Variants in PCED1B observed in about 807,000 individuals in gnomAD.
PCED1B encodes the protein PC-esterase domain containing 1B.
For synonymous variants in PCED1B, 251 were observed against 246.1 expected (o/e 1.02, Z -0.19); for missense variants, 573 against 573.9 (o/e 1.00, Z 0.02).
chr12:47,142,878 A>AGAGG (rs1173590856), intron 2 of PCED1B, among the ~76,000 whole-genome samples: 3 of 151,648 alleles, frequency 2.0e-5, no homozygotes, highest in Admixed American at 1.3e-4. Flanking sequence ...AGAAGAAGAG[A>AGAGG]GAAAGAGGCA....
chr12:47,092,707 G>T (rs917590947), intron 1 of PCED1B, among the ~76,000 whole-genome samples: 3 of 151,982 alleles, frequency 2.0e-5, no homozygotes, highest in Non-Finnish European at 4.4e-5. Context: ...AATTGATTAC[G>T]TGTTTTCATC....
intron 2 of PCED1B, among the ~76,000 whole-genome samples, chr12:47,199,566 A>G (rs886831030): frequency 6.6e-6 from 1 of 152,214 alleles, no homozygotes; most frequent in Non-Finnish European, 1.5e-5. Flanking sequence ...AAACCTATAT[A>G]AATACAGTCA....
At chr12:47,156,505 C>G (rs1941198105) in intron 2 of PCED1B, among the ~76,000 whole-genome samples, 2 of 152,092 alleles carry the variant, frequency 1.3e-5, no homozygotes, top group Non-Finnish European at 2.9e-5. Context: ...CACCCTTGCT[C>G]CATCCACACT....
intron 2 of PCED1B, among the ~76,000 whole-genome samples, chr12:47,133,880 T>G (rs765672067): frequency 1.6e-4 from 25 of 152,164 alleles, no homozygotes; most frequent in Non-Finnish European, 3.5e-4. Flanking sequence ...ATGGGATTAG[T>G]GCCCTTATAA....
chr12:47,210,540 T>C (rs1316285583), intron 2 of PCED1B: 2 of 152,102 alleles, frequency 1.3e-5, no homozygotes, highest in Non-Finnish European at 2.9e-5. Flanking sequence ...CTGAAGCAGG[T>C]AGATCACCTG....
At chr12:47,096,600 A>G (rs941884222) in intron 1 of PCED1B, among the ~76,000 whole-genome samples, 1 of 152,196 alleles carries the variant, frequency 6.6e-6, no homozygotes. Flanking sequence ...AATACCTTTC[A>G]TAAACATAAT....
In PCED1B at chr12:47,193,944, C is replaced by T. The variant is rs17097709; in HGVS notation, c.-525-22278C>T. Reference sequence around the variant, plus strand: ...TGGGGCCCTGCCTTGCTCTTGCCCTCACTAAGCTGCATTCTGGTTTCCTGC... The same window carrying T: ...TGGGGCCCTGCCTTGCTCTTGCCCTTACTAAGCTGCATTCTGGTTTCCTGC... On this transcript the variant is annotated intron_variant, in intron 2 of 3. Transcript: ENST00000546455. Among the ~76,000 whole-genome samples the T allele has an allele frequency of 4.6e-3, 704 of 152,318 alleles. 6 individuals carry two copies. Among genetic ancestry groups the T allele is most frequent in the African/African-American group, 0.016 (650 of 41,574 alleles).
At chr12:47,192,957 C>T (rs759714356) in intron 2 of PCED1B, among the ~76,000 whole-genome samples, 1 of 152,206 alleles carries the variant, frequency 6.6e-6, no homozygotes, top group Non-Finnish European at 1.5e-5. Flanking sequence ...CTCACGTCTA[C>T]ATGAGACCTT....
intron 1 of PCED1B, among the ~76,000 whole-genome samples, chr12:47,082,396 A>G (rs1225813062): frequency 6.6e-6 from 1 of 152,140 alleles, no homozygotes; most frequent in Non-Finnish European, 1.5e-5. Context: ...AAAAAAAAGG[A>G]GAAGAAAGAG....
intron 2 of PCED1B, among the ~76,000 whole-genome samples, chr12:47,183,291 C>A (rs968844950): frequency 1.3e-5 from 2 of 152,186 alleles, no homozygotes; most frequent in Non-Finnish European, 1.5e-5. Flanking sequence ...TCTGAACTGT[C>A]TATCTCTTGC....
intron 1 of PCED1B, among the ~76,000 whole-genome samples, chr12:47,090,899 A>T (rs1466203914): frequency 6.6e-6 from 1 of 150,386 alleles, no homozygotes; most frequent in African/African-American, 2.5e-5. Context: ...ATTGTTCCAA[A>T]AATTGGAACA....
chr12:47,156,503 C>T (rs1565572509), intron 2 of PCED1B, among the ~76,000 whole-genome samples: 1 of 152,098 alleles, frequency 6.6e-6, no homozygotes, highest in Non-Finnish European at 1.5e-5. Flanking sequence ...TGCACCCTTG[C>T]TCCATCCACA....
chr12:47,089,945 G>A (rs558429556), intron 1 of PCED1B, among the ~76,000 whole-genome samples: 9 of 152,138 alleles, frequency 5.9e-5, no homozygotes, highest in Non-Finnish European at 1.2e-4. Flanking sequence ...GCTGATTTTT[G>A]TATTTTCAGC....
intron 3 of PCED1B, among the ~76,000 whole-genome samples, chr12:47,234,267 C>T (rs766971869): frequency 2.6e-5 from 4 of 152,194 alleles, no homozygotes; most frequent in Non-Finnish European, 1.5e-5. Context: ...GGATTACAGG[C>T]GTAATCCCAC....
chr12:47,125,280 AGTAAATTCCCTTT>A (rs528645021), intron 2 of PCED1B, among the ~76,000 whole-genome samples: 244 of 152,038 alleles, frequency 1.6e-3, no homozygotes, highest in African/African-American at 5.6e-3. Flanking sequence ...CCCTTTCTCT[AGTAAATTCCCTTT>A]GTACCCCTGC....
intron 2 of PCED1B, among the ~76,000 whole-genome samples, chr12:47,161,540 A>G (rs1487767353): frequency 6.6e-6 from 1 of 152,200 alleles, no homozygotes; most frequent in Non-Finnish European, 1.5e-5. Flanking sequence ...TTGCATTTCT[A>G]TAAAGAAATA....
chr12:47,175,692 G>A (rs1348769916), intron 2 of PCED1B, among the ~76,000 whole-genome samples: 2 of 151,802 alleles, frequency 1.3e-5, no homozygotes, highest in Admixed American at 6.6e-5. Context: ...TCCTGCCTCA[G>A]CCTCCCAAGT....
chr12:47,219,385 C>G (rs1052044768), intron 3 of PCED1B, among the ~76,000 whole-genome samples: 9 of 152,320 alleles, frequency 5.9e-5, no homozygotes, highest in South Asian at 2.1e-4. Flanking sequence ...CCTGCTGACT[C>G]AACCCTAGAT....
At chr12:47,213,817 G>A (rs1183247171) in intron 2 of PCED1B, among the ~76,000 whole-genome samples, 3 of 152,136 alleles carry the variant, frequency 2.0e-5, no homozygotes, top group Non-Finnish European at 4.4e-5. Context: ...TCTACATAGA[G>A]CATAATAAGT....
Sources: allele counts gnomAD v4.1 joint callset (sites outside exome capture counted in the v4.1 genomes callset), GRCh38; gene constraint gnomAD v4.1.1; transcripts MANE v1.5; gene names NCBI Gene and HGNC (gene_info 2026-07-23, HGNC 2026-07-21).